COL17A1: variants seen among roughly 807,000 people sequenced by gnomAD.
The protein encoded by COL17A1 is collagen type XVII alpha 1 chain, also known as collagen alpha-1(XVII) chain.
In COL17A1, 181 loss-of-function variants were observed where a neutral mutation model predicts 218.4. The observed-to-expected ratio is 0.83, with a 90% CI of 0.73 to 0.94. COL17A1 has a LOEUF of 0.94. COL17A1 is among the 40% of genes least tolerant of loss of function. COL17A1 has a pLI of 0.00. For missense variants in COL17A1, 1,924 were observed against 1,945.9 expected, an observed-to-expected ratio of 0.99 and a Z score of 0.21; for synonymous variants, 721 against 731.0, an observed-to-expected ratio of 0.99 and a Z score of 0.22.
chr10:104,034,852 C>G (rs762175320), intron 50 of COL17A1, 85 bp from the exon 51 acceptor site: 109 of 1,550,556 alleles, frequency 7.0e-5, no homozygotes, highest in Admixed American at 1.6e-4. Flanking sequence ...CGCTGTGGGC[C>G]CCACCTGAAA....
chr10:104,053,635 G>C (rs1443406836), intron 22 of COL17A1, among the ~76,000 whole-genome samples: 1 of 152,020 alleles, frequency 6.6e-6, no homozygotes, highest in Non-Finnish European at 1.5e-5. Context: ...GCTTCCCTGT[G>C]TAAAATTACT....
intron 24 of COL17A1, 110 bp from the exon 25 acceptor site, chr10:104,051,626 C>A: frequency 7.3e-7 from 1 of 1,377,864 alleles, no homozygotes; most frequent in Admixed American, 1.9e-5. Flanking sequence ...CAGGTGAGGG[C>A]TGTGTGAGTG....
intron 15 of COL17A1, 71 bp from the exon 16 acceptor site, chr10:104,058,261 A>G (rs2086550479): frequency 4.4e-6 from 7 of 1,598,624 alleles, no homozygotes; most frequent in Non-Finnish European, 8.6e-7. Flanking sequence ...TGGAGTAGCC[A>G]TTTTTTTATT....
intron 41 of COL17A1, 126 bp from the exon 42 acceptor site, chr10:104,039,766 CCACACACACACACA>C (rs60283710): frequency 2.1e-6 from 2 of 972,012 alleles, no homozygotes; most frequent in Admixed American, 3.9e-5. Context: ...CCTAGAGATG[CCACACACACACACA>C]CACACACACA....
At chr10:104,040,721 AG>A in intron 39 of COL17A1, among the ~76,000 whole-genome samples, 1 of 152,234 alleles carries the variant, frequency 6.6e-6, no homozygotes, top group South Asian at 2.1e-4. Flanking sequence ...TATTTCCACA[AG>A]TTTCTATGTT....
At position 104,034,777 on chromosome 10, in the gene COL17A1, A is replaced by G. The variant is rs767822745; in HGVS notation, c.3620-10T>C. The G allele has an allele frequency of 6.2e-7, 1 of 1,611,386 alleles. No homozygotes were observed. Among genetic ancestry groups the G allele is most frequent in the South Asian group, 1.1e-5 (1 of 90,290 alleles). Reference sequence around the variant, plus strand: ...AATGACAAGCCGGCAGCTGGGCAGAAGGAAGAGAAAGAAAGGTCGGGGTAG... The same window carrying G: ...AATGACAAGCCGGCAGCTGGGCAGAGGGAAGAGAAAGAAAGGTCGGGGTAG... On this transcript the variant is annotated splice_polypyrimidine_tract_variant and intron_variant, in intron 50 of 55. Transcript: ENST00000648076.
intron 22 of COL17A1, 83 bp downstream of exon 22, chr10:104,053,837 A>T: frequency 2.4e-6 from 2 of 823,476 alleles, no homozygotes; most frequent in Admixed American, 4.0e-5. Flanking sequence ...ACAAGGCCTC[A>T]CATACAGCAG....
At chr10:104,037,188 A>G in intron 46 of COL17A1, 75 bp from the exon 47 acceptor site, 1 of 1,362,458 alleles carries the variant, frequency 7.3e-7, no homozygotes, top group East Asian at 2.5e-5. Flanking sequence ...AGAATCTGAA[A>G]GGCCCGGTCA....
intron 7 of COL17A1, among the ~76,000 whole-genome samples, 195 bp from the exon 8 acceptor site, chr10:104,072,274 C>T (rs1185337124): frequency 6.6e-6 from 1 of 152,140 alleles, no homozygotes; most frequent in Non-Finnish European, 1.5e-5. Context: ...AATTCCCCAT[C>T]CTGCCAACTG....
At chr10:104,058,006 T>G in intron 16 of COL17A1, 140 bp downstream of exon 16, 1 of 1,316,568 alleles carries the variant, frequency 7.6e-7, no homozygotes, top group South Asian at 1.3e-5. Context: ...TGCTCCCTTC[T>G]GAGCCTTTAG....
In COL17A1 at chr10:104,041,089, G is replaced by T; in HGVS notation, c.2677C>A (p.Pro893Thr). ...CCTGAGTTGGACAGGAACGATCCTG[G>T]TGGGCCTGGTGGGCCTGGCAAACCC... ...GEGLPGPPGP[P>T]GSFLSNSETF... The change falls in exon 39 of 56, where the codon CCA becomes ACA. Residue 893 changes from proline (P) to threonine (T), a missense_variant. By Grantham distance (38) the Pro-to-Thr change is conservative. Transcript: ENST00000648076. The T allele has an allele frequency of 6.2e-7, 1 of 1,614,094 alleles. No homozygotes were observed. Among genetic ancestry groups the T allele is most frequent in the South Asian group, 1.1e-5 (1 of 91,082 alleles).
chr10:104,049,288 C>G lies in COL17A1; in HGVS notation c.2227+121G>C. 5.7e-6 allele frequency: 5 copies of G among 881,736 alleles called. No individual in the cohort carries two copies. The South Asian group carries it at 6.9e-5, about 12-fold the overall frequency. 54.6% of individuals were successfully genotyped at this position (881,736 alleles called of 1,614,324 possible). ...CACAGAAATGACTGGTCAAGGGAGA[C>G]TCTACCAGGAGTGGGCAGATTAGAG... On this transcript the variant is annotated intron_variant, in intron 29 of 55. Transcript: ENST00000648076.
At position 104,034,088 on chromosome 10, in the gene COL17A1, C is replaced by T. The variant is rs1319584480; in HGVS notation, c.4013G>A (p.Gly1338Asp). Residue 1338 changes from glycine (G) to aspartate (D), a missense_variant, in exon 52 of 56, where the codon GGC becomes GAC. Gly to Asp is a moderately conservative substitution (Grantham distance 94). Coordinates refer to ENST00000648076, the MANE Select transcript of COL17A1 (RefSeq NM_000494.4). ...GCCTCCGCCTGGGCCGATGTCAGTG[C>T]CATAGGGACCCCTGTCTCCTGCAGC... Reference protein sequence around the residue: ...GEAAGDRGPYGTDIGPGGGYG... With the variant: ...GEAAGDRGPYDTDIGPGGGYG... 6.2e-7 allele frequency: 1 copy of T among 1,614,130 alleles called. No individual in the cohort carries two copies. Among genetic ancestry groups the T allele is most frequent in the Non-Finnish European group, 8.5e-7 (1 of 1,180,046 alleles).
At chr10:104,040,325 T>C (rs761125719) in intron 40 of COL17A1, 26 bp downstream of exon 40, 6 of 1,554,312 alleles carry the variant, frequency 3.9e-6, no homozygotes, top group Non-Finnish European at 5.3e-6. Context: ...TACTGGCTTC[T>C]GGGTTCCCTG....
At chr10:104,037,884 C>T (rs2086316845) in intron 45 of COL17A1, 111 bp from the exon 46 acceptor site, 1 of 1,398,352 alleles carries the variant, frequency 7.2e-7, no homozygotes, top group Non-Finnish European at 9.8e-7. Flanking sequence ...CACACATGGG[C>T]CCAAGGCTGG....
At position 104,039,607 on chromosome 10, in the gene COL17A1, C is replaced by G. The variant is rs752849283; in HGVS notation, c.2821+1G>C. On this transcript the variant is annotated splice_donor_variant, in intron 42 of 55. Coordinates refer to ENST00000648076, the MANE Select transcript of COL17A1 (RefSeq NM_000494.4). LOFTEE classifies it high-confidence loss of function. ...AGAATGGGGCGGGGTTCAGCCCTTA[C>G]CTGAGGTTGAGAAACCTGGGAGGCC... 6.8e-6 allele frequency: 11 copies of G among 1,614,142 alleles called. No homozygotes were observed. In the South Asian group the frequency reaches 9.9e-5, roughly 14 times the overall value.
chr10:104,072,150 C>T (rs1302680513), intron 7 of COL17A1, 71 bp from the exon 8 acceptor site: 1 of 1,604,716 alleles, frequency 6.2e-7, no homozygotes, highest in Non-Finnish European at 8.5e-7. Flanking sequence ...CACTGAACTC[C>T]TAGCAGCAGA....
rs753955095 is a variant in COL17A1 at position 104,054,112 on chromosome 10, C to G, written c.1751G>C (p.Arg584Pro). 2 of 1,609,112 alleles carry G rather than the reference C, an allele frequency of 1.2e-6. No homozygotes were observed. Among genetic ancestry groups the G allele is most frequent in the African/African-American group, 2.7e-5 (2 of 74,888 alleles). The change falls in exon 21 of 56, where the codon CGA (arginine) becomes CCA (proline). Residue 584 changes from arginine to proline, a missense_variant. Physicochemically the swap from Arg to Pro is moderately radical, Grantham distance 103. Transcript: ENST00000648076. ...CATACCTGGAGTCCCAGGGAACCCT[C>G]GATCTCCTGCAGGAACAAAGGCAAA... ...DMGSPGPKGD[R>P]GFPGTPGIPG... is the part of the protein sequence containing the mutation.
chr10:104,032,155 T>C lies in COL17A1; in HGVS notation c.*80A>G. On this transcript the variant is annotated 3_prime_UTR_variant, in exon 56 of 56. Coordinates refer to ENST00000648076, the MANE Select transcript of COL17A1 (RefSeq NM_000494.4). ...CAGTAGGACATTGACAGACTCCAGC[T>C]TTCACCCTCTGGAGACCTTGGACCT... 8.8e-7 allele frequency: 1 copy of C among 1,140,334 alleles called. No individual in the cohort carries two copies. Among genetic ancestry groups the C allele is most frequent in the Non-Finnish European group, 1.3e-6 (1 of 752,120 alleles). The allele number at this position is 1,140,334 out of a possible 1,614,324, so 70.6% of individuals were successfully genotyped here.
Sources: allele counts gnomAD v4.1 joint callset (sites outside exome capture counted in the v4.1 genomes callset), GRCh38; gene constraint gnomAD v4.1.1; transcripts MANE v1.5; gene names NCBI Gene and HGNC (gene_info 2026-07-23, HGNC 2026-07-21).